The following UNC13B variants were observed in gnomAD, a reference collection of about 807,000 sequenced individuals.
UNC13B encodes unc-13 homolog B.
A neutral mutation model predicts 211.0 loss-of-function variants in UNC13B; 144 were observed. The ratio of observed to expected loss-of-function variants is 0.68; its 90% CI spans 0.60 to 0.78. UNC13B has a LOEUF of 0.78. Ranked by LOEUF, UNC13B falls within the 30% of genes least tolerant of loss-of-function variation. The probability of loss-of-function intolerance (pLI) is 0.00; values close to 1 mark genes in which losing one functional copy is unlikely to be tolerated. For missense variants in UNC13B, 1,777 were observed against 2,002.0 expected, an observed-to-expected ratio of 0.89 and a Z score of 2.14; for synonymous variants, 709 against 725.8, an observed-to-expected ratio of 0.98 and a Z score of 0.37.
chr9:35,280,019 T>A lies in UNC13B; in HGVS notation c.527-15677T>A, dbSNP rs747833644. 1.2e-4 allele frequency among the ~76,000 whole-genome samples: 19 copies of A among 152,184 alleles called. 1 individual carries two copies. The highest frequency in any genetic ancestry group is 1.9e-4 in the Non-Finnish European group (13 of 68,030). On this transcript the variant is annotated intron_variant, in intron 7 of 39. Transcript: ENST00000635942. ...AAAAAGAGGTCTTGATAACTGGGCC[T>A]TTTGTTTAGTGTCCTGGTCAAAGTT...
At position 35,297,547 on chromosome 9, in the gene UNC13B, C is replaced by CTTTTTTTTTTTTTTTTTTT. The variant is rs774525517; in HGVS notation, c.761+1619_761+1637dup. Reference sequence around the variant, plus strand: ...TGCATTCAGGAAGCACATACTTTGTCTTTTTTTTTTTTTTTTTTTTGAGAC... The same window carrying CTTTTTTTTTTTTTTTTTTT: ...TGCATTCAGGAAGCACATACTTTGTCTTTTTTTTTTTTTTTTTTTTTTTTTTTTTTTTTTTTTTTGAGAC... On this transcript the variant is annotated intron_variant, in intron 8 of 39. Transcript: ENST00000635942. Among the ~76,000 whole-genome samples, 31 of 100,852 alleles carry CTTTTTTTTTTTTTTTTTTT rather than the reference C, an allele frequency of 3.1e-4. 2 individuals are homozygous for CTTTTTTTTTTTTTTTTTTT. Among genetic ancestry groups the CTTTTTTTTTTTTTTTTTTT allele is most frequent in the African/African-American group, 1.3e-3 (31 of 24,424 alleles). The allele number at this position is 100,852 out of a possible 152,430, so 66.2% of individuals were successfully genotyped here.
intron 1 of UNC13B, among the ~76,000 whole-genome samples, chr9:35,224,253 T>C (rs1824717805): frequency 6.6e-6 from 1 of 152,218 alleles, no homozygotes; most frequent in Non-Finnish European, 1.5e-5. Context: ...ACAGTCATTT[T>C]AACAATATTC....
intron 2 of UNC13B, among the ~76,000 whole-genome samples, chr9:35,230,502 T>G (rs1825137775): frequency 6.6e-6 from 1 of 151,946 alleles, no homozygotes; most frequent in South Asian, 2.1e-4. Flanking sequence ...AGATTTCTTT[T>G]TATGTAACTT....
At chr9:35,308,553 G>C (rs1587588503) in intron 9 of UNC13B, 141 bp downstream of exon 9, 2 of 395,612 alleles carry the variant, frequency 5.1e-6, no homozygotes, top group East Asian at 7.2e-5. Context: ...TGTTAATTAG[G>C]GGTTAAATAA....
chr9:35,305,384 T>C lies in UNC13B; in HGVS notation c.5980T>C (p.Ser1994Pro), dbSNP rs1460569885. 1 of 398,846 alleles carries C rather than the reference T, an allele frequency of 2.5e-6. No homozygotes were observed. The highest frequency in any genetic ancestry group is 2.1e-5 in the African/African-American group (1 of 48,612). 24.7% of individuals were successfully genotyped at this position (398,846 alleles called of 1,614,324 possible). A position where few individuals can be genotyped will look rare whatever the true frequency, so the allele number is the denominator to read the frequency against. Reference protein sequence around the residue: ...TLGDFFKANVSPIQTTENTSV... With the variant: ...TLGDFFKANVPPIQTTENTSV... ...TGGGGATTTCTTTAAAGCCAATGTA[T>C]CTCCTATACAGACAACTGAAAATAC... Residue 1994 changes from serine (S) to proline (P), a missense_variant, in exon 9 of 40, where the codon TCT (serine) becomes CCT (proline). Physicochemically the swap from Ser to Pro is moderately conservative, Grantham distance 74. Transcript: ENST00000635942.
rs117611166 is a variant in UNC13B, at chr9:35,186,486, G to A, written c.22+24181G>A. ...TGTCTGCGGTAAATACCTGGGGTTTGTCATCTTGCACCAGGAAAATTTAGG... is the reference window on the plus strand; with the variant it reads ...TGTCTGCGGTAAATACCTGGGGTTTATCATCTTGCACCAGGAAAATTTAGG... On this transcript the variant is annotated intron_variant, in intron 1 of 39. Transcript: ENST00000635942. Among the ~76,000 whole-genome samples the A allele has an allele frequency of 1.5e-3, 225 of 152,262 alleles. 3 individuals are homozygous for A. The highest frequency in any genetic ancestry group is 2.4e-3 in the Non-Finnish European group (166 of 68,022).
intron 24 of UNC13B, among the ~76,000 whole-genome samples, chr9:35,388,327 G>A (rs989000713): frequency 2.6e-5 from 4 of 152,158 alleles, no homozygotes; most frequent in African/African-American, 9.7e-5. Context: ...AGAATTGCTT[G>A]AACCCAGGAG....
intron 24 of UNC13B, among the ~76,000 whole-genome samples, chr9:35,386,685 T>A (rs1357412772): frequency 3.3e-5 from 5 of 152,186 alleles, no homozygotes; most frequent in Admixed American, 6.5e-5. Flanking sequence ...TGAAGTGGTC[T>A]CTGAGCTGCT....
chr9:35,198,862 T>A (rs1191307473), intron 1 of UNC13B, among the ~76,000 whole-genome samples: 1 of 152,024 alleles, frequency 6.6e-6, no homozygotes, highest in Non-Finnish European at 1.5e-5. Context: ...AGGGACTGTT[T>A]TTATTATTAT....
intron 11 of UNC13B, among the ~76,000 whole-genome samples, chr9:35,341,650 C>T (rs576863242): frequency 6.2e-4 from 94 of 151,894 alleles, no homozygotes; most frequent in Non-Finnish European, 1.1e-3. Flanking sequence ...AGGAGAAGAA[C>T]GAGGGAAGGA....
intron 1 of UNC13B, among the ~76,000 whole-genome samples, chr9:35,207,265 T>C (rs1823709565): frequency 6.6e-6 from 1 of 152,050 alleles, no homozygotes; most frequent in East Asian, 1.9e-4. Flanking sequence ...TTATTTATTT[T>C]TATTTATTTT....
chr9:35,233,097 C>T (rs1011326620), intron 3 of UNC13B, among the ~76,000 whole-genome samples: 2 of 152,126 alleles, frequency 1.3e-5, no homozygotes, highest in Non-Finnish European at 2.9e-5. Context: ...ACCGAGAGCA[C>T]CTGTTTCCTT....
intron 7 of UNC13B, among the ~76,000 whole-genome samples, chr9:35,263,463 C>G (rs1489354945): frequency 1.3e-5 from 2 of 152,016 alleles, no homozygotes; most frequent in Admixed American, 1.3e-4. Context: ...AGGAACCCAC[C>G]TATATGAAAA....
At chr9:35,353,842 G>A (rs1314697163) in intron 11 of UNC13B, 1 of 1,220,164 alleles carries the variant, frequency 8.2e-7, no homozygotes, top group East Asian at 3.2e-5. Context: ...CAGGGTCCCA[G>A]CTGGCTAAAG....
At chr9:35,180,917 G>T (rs1034100123) in intron 1 of UNC13B, among the ~76,000 whole-genome samples, 4 of 128,080 alleles carry the variant, frequency 3.1e-5, no homozygotes, top group African/African-American at 9.1e-5. Context: ...AACACAGTGA[G>T]ACCCTGTCTT....
At position 35,303,588 on chromosome 9, in the gene UNC13B, C is replaced by T. The variant is rs1829788592; in HGVS notation, c.4184C>T (p.Ser1395Leu). The part of the protein sequence containing the change: ...LSADACLWLD[S>L]ENSVINFCQK... ...GCCGATGCTTGCTTGTGGCTTGACT[C>T]AGAAAACTCAGTGATAAATTTTTGC... is the stretch of plus-strand genomic sequence containing the variant. Residue 1395 changes from serine to leucine, a missense_variant, in exon 9 of 40, where the codon TCA becomes TTA. Transcript: ENST00000635942. 2.5e-6 allele frequency: 1 copy of T among 398,608 alleles called. No homozygotes were observed. The highest frequency in any genetic ancestry group is 1.3e-4 in the South Asian group (1 of 7,856). 24.7% of individuals were successfully genotyped at this position (398,608 alleles called of 1,614,324 possible). A position where few individuals can be genotyped will look rare whatever the true frequency, so the allele number is the denominator to read the frequency against.
chr9:35,340,278 A>G (rs1460770414), intron 11 of UNC13B, among the ~76,000 whole-genome samples: 2 of 152,082 alleles, frequency 1.3e-5, no homozygotes, highest in African/African-American at 4.8e-5. Context: ...TTGGCTGTGT[A>G]ATGAGGTGGA....
At chr9:35,231,012 T>G (rs2131503236) in intron 2 of UNC13B, 108 bp from the exon 3 acceptor site, 1 of 694,990 alleles carries the variant, frequency 1.4e-6, no homozygotes, top group Non-Finnish European at 2.4e-6. Flanking sequence ...AATTTTTTCC[T>G]GCACATGTAA....
intron 1 of UNC13B, among the ~76,000 whole-genome samples, chr9:35,200,744 A>C (rs957779816): frequency 6.6e-6 from 1 of 152,140 alleles, no homozygotes; most frequent in African/African-American, 2.4e-5. Flanking sequence ...GGCTGAGATG[A>C]TGGGGTTTTC....
Sources: gnomAD v4.1 joint callset for allele counts (sites outside exome capture counted in the v4.1 genomes callset) on GRCh38, gnomAD v4.1.1 for gene constraint, MANE v1.5 for transcripts, NCBI Gene and HGNC (gene_info 2026-07-23, HGNC 2026-07-21) for gene names.